Variants in RAB36 observed in about 807,000 individuals in gnomAD.
The protein encoded by RAB36 is RAB36, member RAS oncogene family.
In RAB36, 33 loss-of-function variants were observed where a neutral mutation model predicts 39.3. That is an observed-to-expected ratio of 0.84 (90% CI 0.64 to 1.12). The LOEUF is 1.12. Ranked by LOEUF, RAB36 falls within the 50% of genes most tolerant of loss-of-function variation. The pLI is 0.00. For synonymous variants in RAB36, 133 were observed against 140.2 expected (o/e 0.95, Z 0.36); for missense variants, 308 against 355.3 (o/e 0.87, Z 1.07).
At chr22:23,158,595 G>C (rs77049371) in intron 7 of RAB36, among the ~76,000 whole-genome samples, 2 of 152,214 alleles carry the variant, frequency 1.3e-5, no homozygotes, top group African/African-American at 4.8e-5. Context: ...AGGCGGGGGT[G>C]ATGGTTCTAG....
At chr22:23,156,367 G>T in intron 6 of RAB36, 1 of 251,576 alleles carries the variant, frequency 4.0e-6, no homozygotes, top group Non-Finnish European at 7.9e-6. Context: ...GGAGGTCGGA[G>T]GAGGCTTGTC....
chr22:23,148,471 C>T (rs949599784), intron 2 of RAB36, among the ~76,000 whole-genome samples: 2 of 152,186 alleles, frequency 1.3e-5, no homozygotes, highest in African/African-American at 4.8e-5. Flanking sequence ...CTCCTGGTAC[C>T]TCTGGGATTT....
Position 23,150,402 on chromosome 22 carries a change from T to C in RAB36, c.161+248T>C, listed in dbSNP as rs192896882. Among the ~76,000 whole-genome samples, 11 of 151,294 alleles carry C rather than the reference T, an allele frequency of 7.3e-5. No homozygotes were observed. The East Asian group carries it at 9.8e-4, about 14-fold the overall frequency. On this transcript the variant is annotated intron_variant, in intron 3 of 10. Transcript: ENST00000263116. ...CTGCAAGCTCTGCCTCCCGGGTTCA[T>C]GCCATTCTCCTGCCTCAGCCTCCCG...
In RAB36 at chr22:23,156,812, G is replaced by T. The variant is rs549234903; in HGVS notation, c.394+780G>T. 2.0e-5 allele frequency among the ~76,000 whole-genome samples: 3 copies of T among 152,100 alleles called. No homozygotes were observed. The South Asian group carries it at 6.2e-4, about 32-fold the overall frequency. On this transcript the variant is annotated intron_variant, in intron 6 of 10. Transcript: ENST00000263116. ...GGCCTCCTGCACCCTTCGCCTCTTC[G>T]GGCCTCTCCTTGAAAGGATGCTTCT...
chr22:23,146,698 T>C lies in RAB36; in HGVS notation c.69+13T>C. The stretch of plus-strand genomic sequence containing the variant: ...CAGCTTCCCTAAGGTAGAGAGTCAT[T>C]ACGTCTGCAGTGCTCTCCTGGCCCT... On this transcript the variant is annotated intron_variant, in intron 2 of 10. Coordinates refer to ENST00000263116, the MANE Select transcript of RAB36 (RefSeq NM_004914.5). 1 of 1,613,300 alleles carries C rather than the reference T, an allele frequency of 6.2e-7. No individual in the cohort carries two copies. Among genetic ancestry groups the C allele is most frequent in the Non-Finnish European group, 8.5e-7 (1 of 1,179,534 alleles).
intron 3 of RAB36, 144 bp downstream of exon 3, chr22:23,150,298 T>C (rs1250058832): frequency 7.8e-6 from 5 of 637,624 alleles, no homozygotes; most frequent in Middle Eastern, 4.0e-4. Flanking sequence ...GTTTTCTTTT[T>C]TTTTTCTTTT....
At chr22:23,146,810 C>T in intron 2 of RAB36, 125 bp downstream of exon 2, 1 of 1,419,918 alleles carries the variant, frequency 7.0e-7, no homozygotes, top group Non-Finnish European at 9.2e-7. Context: ...TCAGATTTAC[C>T]TTGAGGAGCT....
chr22:23,157,720 C>T lies in RAB36; in HGVS notation c.395-272C>T, dbSNP rs377566510. ...GCCGTAAGTGGCAGAGGGTGTCTGA[C>T]GCTAAAGCCCATGCGCTCGCTCCAC... is the stretch of plus-strand genomic sequence containing the variant. On this transcript the variant is annotated intron_variant, in intron 6 of 10. Coordinates refer to ENST00000263116, the MANE Select transcript of RAB36 (RefSeq NM_004914.5). 4.7e-4 allele frequency among the ~76,000 whole-genome samples: 71 copies of T among 152,336 alleles called. No individual in the cohort carries two copies. The East Asian group carries it at 0.012, about 25-fold the overall frequency.
intron 4 of RAB36, 82 bp from the exon 5 acceptor site, chr22:23,152,951 A>T (rs1291372837): frequency 1.3e-5 from 13 of 998,606 alleles, no homozygotes; most frequent in Non-Finnish European, 2.0e-5. Flanking sequence ...TTATTTGCCT[A>T]AAGACTTGCA....
rs764941594 is a variant in RAB36 at position 23,159,173 on chromosome 22, C to T, written c.539C>T (p.Ala180Val). ...GGCCATTTCTCCCAGTCAGGGGCCG[C>T]ATGTGAGCAGGCCGAAGCAGACGCT... ...GTKKDLLSGA[A>V]CEQAEADAVH... Residue 180 changes from alanine to valine, a missense_variant, in exon 9 of 11, where the codon GCA becomes GTA. By Grantham distance (64) the Ala-to-Val change is moderately conservative. Transcript: ENST00000263116. 6.2e-7 allele frequency: 1 copy of T among 1,611,434 alleles called. No homozygotes were observed. The highest frequency in any genetic ancestry group is 2.2e-5 in the East Asian group (1 of 44,776).
At chr22:23,155,874 G>A in intron 5 of RAB36, 94 bp from the exon 6 acceptor site, 1 of 1,186,482 alleles carries the variant, frequency 8.4e-7, no homozygotes, top group Non-Finnish European at 1.2e-6. Context: ...AGGCCCTTAG[G>A]GTCTCCCACC....
intron 6 of RAB36, chr22:23,156,363 C>G (rs555572914): frequency 1.1e-4 from 28 of 246,320 alleles, no homozygotes; most frequent in African/African-American, 6.1e-4. Context: ...AGGGGGAGGT[C>G]GGAGGAGGCT....
intron 7 of RAB36, among the ~76,000 whole-genome samples, 188 bp from the exon 8 acceptor site, chr22:23,158,710 C>T (rs537939826): frequency 1.3e-5 from 2 of 152,342 alleles, no homozygotes; most frequent in African/African-American, 4.8e-5. Flanking sequence ...ATTCCCACCC[C>T]TTTGGGTCCA....
intron 6 of RAB36, 133 bp downstream of exon 6, chr22:23,156,165 G>A (rs770331020): frequency 6.8e-5 from 35 of 517,742 alleles, no homozygotes; most frequent in African/African-American, 6.6e-4. Flanking sequence ...GAAAACACCA[G>A]GCCACTGCTT....
chr22:23,157,935 C>G (rs2071552272), intron 6 of RAB36, 57 bp from the exon 7 acceptor site: 1 of 1,609,384 alleles, frequency 6.2e-7, no homozygotes, highest in Non-Finnish European at 8.5e-7. Flanking sequence ...TCCTGGGGAG[C>G]CCCCTTGCTC....
intron 5 of RAB36, 49 bp from the exon 6 acceptor site, chr22:23,155,919 G>A (rs1276844314): frequency 6.5e-7 from 1 of 1,537,370 alleles, no homozygotes; most frequent in East Asian, 2.4e-5. Flanking sequence ...AAGACACTGT[G>A]ATTGTGTAGC....
rs750806409 is a variant in RAB36, at chr22:23,145,506, A to G, written c.-58A>G. On this transcript the variant is annotated 5_prime_UTR_variant, in exon 1 of 11. Coordinates refer to ENST00000263116, the MANE Select transcript of RAB36 (RefSeq NM_004914.5). ...CCATGGTGATCGCCGCCGCTGGCTC[A>G]GGCGGACCAGGCCGCGCGGAGCCCC... is the stretch of plus-strand genomic sequence containing the variant. 1.2e-6 allele frequency: 2 copies of G among 1,606,010 alleles called. No homozygotes were observed. The highest frequency in any genetic ancestry group is 1.1e-5 in the South Asian group (1 of 90,958).
chr22:23,168,043 A>G (rs1227248023), downstream of RAB36, among the ~76,000 whole-genome samples: 1 of 151,820 alleles, frequency 6.6e-6, no homozygotes, highest in Non-Finnish European at 1.5e-5. Flanking sequence ...TTTCACAGAG[A>G]TAGGGTCTGT....
chr22:23,158,087 G>A (rs2071561037), intron 7 of RAB36, 44 bp downstream of exon 7: 13 of 1,610,954 alleles, frequency 8.1e-6, no homozygotes, highest in African/African-American at 4.0e-5. Flanking sequence ...CTGGGCTCAG[G>A]AAGCTGCCTG....
Sources: gnomAD v4.1 joint callset for allele counts (sites outside exome capture counted in the v4.1 genomes callset) on GRCh38, gnomAD v4.1.1 for gene constraint, MANE v1.5 for transcripts, NCBI Gene and HGNC (gene_info 2026-07-23, HGNC 2026-07-21) for gene names.